The following TRAF2 variants were observed in gnomAD, a reference collection of about 807,000 sequenced individuals.
The protein encoded by TRAF2 is TNF receptor associated factor 2.
TRAF2 carries 6 observed loss-of-function variants against 55.6 expected under a neutral mutation model. That is an observed-to-expected ratio of 0.11 (90% CI 0.06 to 0.21). The LOEUF is 0.21. Among genes scored for constraint, TRAF2 ranks in the 10% least tolerant of loss-of-function variants. The pLI is 1.00. For missense variants in TRAF2, 561 were observed against 684.5 expected, an observed-to-expected ratio of 0.82 and a Z score of 2.01; for synonymous variants, 329 against 276.3, an observed-to-expected ratio of 1.19 and a Z score of -1.89.
At chr9:136,912,559 A>G (rs17250448) in intron 6 of TRAF2, among the ~76,000 whole-genome samples, 119,164 of 152,110 alleles carry the variant, frequency 0.78, 47,132 homozygotes, top group African/African-American at 0.89. Context: ...AAAAATACCT[A>G]CTGAGCATGG....
At chr9:136,890,718 C>A (rs1222628878) in intron 1 of TRAF2, among the ~76,000 whole-genome samples, 1 of 152,212 alleles carries the variant, frequency 6.6e-6, no homozygotes, top group Non-Finnish European at 1.5e-5. Context: ...TCTCTAAGCA[C>A]AAAGAACCCC....
intron 1 of TRAF2, among the ~76,000 whole-genome samples, chr9:136,896,045 C>T (rs375990238): frequency 6.6e-6 from 1 of 152,128 alleles, no homozygotes; most frequent in Non-Finnish European, 1.5e-5. Context: ...CCTTCCTCCA[C>T]CTCTTTCCCA....
At chr9:136,925,662 C>T (rs1850513151) in intron 10 of TRAF2, 21 bp from the exon 11 acceptor site, 3 of 1,612,026 alleles carry the variant, frequency 1.9e-6, no homozygotes, top group African/African-American at 2.7e-5. Context: ...TGTGTCCCCT[C>T]CCTGGGGCTC....
intron 1 of TRAF2, among the ~76,000 whole-genome samples, chr9:136,888,687 A>G (rs1178276028): frequency 3.3e-5 from 5 of 152,218 alleles, no homozygotes; most frequent in Admixed American, 2.6e-4. Context: ...TTGTGTAACA[A>G]TACAGCTTGT....
chr9:136,900,799 G>T, intron 4 of TRAF2: 1 of 390,680 alleles, frequency 2.6e-6, no homozygotes. Flanking sequence ...TGTCGATGGG[G>T]GTGCAGGATC....
chr9:136,923,067 C>T (rs755116447), intron 9 of TRAF2, among the ~76,000 whole-genome samples: 1 of 152,176 alleles, frequency 6.6e-6, no homozygotes, highest in Admixed American at 6.5e-5. Flanking sequence ...GGAAAGCAGC[C>T]TCTGCCGGGT....
intron 10 of TRAF2, among the ~76,000 whole-genome samples, 173 bp downstream of exon 10, chr9:136,924,173 A>G (rs1162249362): frequency 6.6e-6 from 1 of 152,182 alleles, no homozygotes; most frequent in Non-Finnish European, 1.5e-5. Context: ...GAGCTCTGGC[A>G]GTTTGTTGTT....
In TRAF2 at chr9:136,920,344, C is replaced by T. The variant is rs200313379; in HGVS notation, c.789C>T (p.His263=). 3.0e-5 allele frequency: 48 copies of T among 1,614,076 alleles called. No individual in the cohort carries two copies. Among genetic ancestry groups the T allele is most frequent in the Admixed American group, 3.3e-5 (2 of 60,028 alleles). ...EAKPLLGDQS[H]AGSELLQRCE... ...AGCCCCTCTTGGGAGACCAGAGCCA[C>T]GCGGGGTCAGAGCTCCTGCAGAGGT... Residue 263 remains histidine (H), a synonymous_variant, in exon 8 of 11, where the codon CAC becomes CAT. Coordinates refer to ENST00000247668, the MANE Select transcript of TRAF2 (RefSeq NM_021138.4).
chr9:136,917,164 C>T (rs1157349537), intron 7 of TRAF2, among the ~76,000 whole-genome samples: 2 of 152,230 alleles, frequency 1.3e-5, no homozygotes, highest in South Asian at 2.1e-4. Context: ...GACCCAGGCT[C>T]AGGCGCTTAT....
At chr9:136,915,187 A>C (rs941533025) in intron 6 of TRAF2, among the ~76,000 whole-genome samples, 1 of 152,170 alleles carries the variant, frequency 6.6e-6, no homozygotes, top group Admixed American at 6.5e-5. Flanking sequence ...CTCAAAAAAA[A>C]GTTTTGTAAT....
intron 3 of TRAF2, among the ~76,000 whole-genome samples, chr9:136,900,186 T>TA (rs397955540): frequency 6.9e-6 from 1 of 145,794 alleles, no homozygotes; most frequent in African/African-American, 2.6e-5. Flanking sequence ...AAAAAAAGAA[T>TA]AAAGGGCCGC....
chr9:136,889,391 C>T (rs1444765605), intron 1 of TRAF2: 1 of 152,002 alleles, frequency 6.6e-6, no homozygotes, highest in Non-Finnish European at 1.5e-5. Context: ...TCAAGTGATT[C>T]TCCTGCCTCA....
intron 1 of TRAF2, among the ~76,000 whole-genome samples, chr9:136,889,260 C>T (rs535185691): frequency 6.6e-5 from 10 of 150,438 alleles, no homozygotes; most frequent in South Asian, 4.2e-4. Context: ...CTCTGTCCCC[C>T]GGTGTGAGCC....
At chr9:136,890,630 C>G (rs1466896465) in intron 1 of TRAF2, 3 of 152,200 alleles carry the variant, frequency 2.0e-5, no homozygotes, top group African/African-American at 7.2e-5. Context: ...TGGTGTAGCA[C>G]TTTTGAGCCT....
At chr9:136,911,264 C>CTTTTTTTT (rs34077067) in intron 6 of TRAF2, among the ~76,000 whole-genome samples, 71 of 122,528 alleles carry the variant, frequency 5.8e-4, no homozygotes, top group African/African-American at 9.8e-4. Context: ...TCCTTCCCGT[C>CTTTTTTTT]TTTTTTTTTT....
In TRAF2 at chr9:136,920,845, C is replaced by T. The variant is rs886703294; in HGVS notation, c.961-193C>T. Among the ~76,000 whole-genome samples, 10 of 152,304 alleles carry T rather than the reference C, an allele frequency of 6.6e-5. No individual in the cohort carries two copies. In the South Asian group the frequency reaches 1.2e-3, roughly 19 times the overall value. ...GAGCACGCTTGCTGGCCCGGAGCTT[C>T]TGTGTGGACTTGGAGCCACCACCTC... On this transcript the variant is annotated intron_variant, in intron 8 of 10. Transcript: ENST00000247668.
chr9:136,886,680 C>A (rs1219475507), intron 1 of TRAF2, 139 bp downstream of exon 1: 1 of 118,150 alleles, frequency 8.5e-6, no homozygotes, highest in African/African-American at 3.6e-5. Context: ...CGGGAGAGGC[C>A]GCGGGGCGGG....
chr9:136,886,385 T>A, upstream of TRAF2: 1 of 985,360 alleles, frequency 1.0e-6, no homozygotes, highest in African/African-American at 1.8e-5. Flanking sequence ...GAGCGGGGCG[T>A]ATCTGGCCAA....
At chr9:136,895,780 T>G (rs1588421601) in intron 1 of TRAF2, among the ~76,000 whole-genome samples, 1 of 138,210 alleles carries the variant, frequency 7.2e-6, no homozygotes, top group African/African-American at 2.8e-5. Context: ...ACCCAGGAGG[T>G]GGAGGTTGCA....
Sources: allele counts gnomAD v4.1 joint callset (sites outside exome capture counted in the v4.1 genomes callset), GRCh38; gene constraint gnomAD v4.1.1; transcripts MANE v1.5; gene names NCBI Gene and HGNC (gene_info 2026-07-23, HGNC 2026-07-21).